The following SLC9A9 variants were observed in gnomAD, a reference collection of about 807,000 sequenced individuals.
SLC9A9 encodes the protein sodium/hydrogen exchanger 9.
In SLC9A9, 62 loss-of-function variants were observed where a neutral mutation model predicts 77.8. That is an observed-to-expected ratio of 0.80 (90% confidence interval 0.65 to 0.98). SLC9A9 has a LOEUF of 0.98. Among genes scored for constraint, SLC9A9 ranks in the 50% least tolerant of loss-of-function variants. SLC9A9 has a pLI of 0.00. For synonymous variants in SLC9A9, 320 were observed against 283.5 expected (o/e 1.13, Z -1.29); for missense variants, 775 against 774.9 (o/e 1.00, Z 0.00).
intron 5 of SLC9A9, among the ~76,000 whole-genome samples, chr3:143,652,754 G>C (rs997119742): frequency 7.2e-6 from 1 of 139,232 alleles, no homozygotes; most frequent in Non-Finnish European, 1.5e-5. Flanking sequence ...TCGTCCACTT[G>C]CTACCATCCT....
intron 6 of SLC9A9, among the ~76,000 whole-genome samples, chr3:143,587,223 G>A (rs1362775759): frequency 6.6e-6 from 1 of 152,194 alleles, no homozygotes; most frequent in Non-Finnish European, 1.5e-5. Flanking sequence ...TACAGACATT[G>A]TTCTTAGCAC....
intron 7 of SLC9A9, 29 bp downstream of exon 7, chr3:143,578,556 C>A (rs1397609109): frequency 6.2e-7 from 1 of 1,613,584 alleles, no homozygotes. Context: ...CTTGACAGTC[C>A]CAGCTTTCCA....
chr3:143,597,855 A>C (rs970095062), intron 6 of SLC9A9, among the ~76,000 whole-genome samples: 4 of 152,234 alleles, frequency 2.6e-5, no homozygotes, highest in African/African-American at 9.6e-5. Context: ...AAAGGTGCAG[A>C]AAACTGGCTT....
At chr3:143,801,284 T>A (rs2008550241) in intron 2 of SLC9A9, among the ~76,000 whole-genome samples, 1 of 152,154 alleles carries the variant, frequency 6.6e-6, no homozygotes, top group Admixed American at 6.6e-5. Flanking sequence ...GACCTTACTG[T>A]TTTAGACTGG....
rs376062350 is a variant in SLC9A9 at position 143,279,423 on chromosome 3, A to AT, written c.1605-10444dup. Among the ~76,000 whole-genome samples the AT allele has an allele frequency of 3.7e-4, 57 of 152,222 alleles. 1 individual carries two copies. Among genetic ancestry groups the AT allele is most frequent in the African/African-American group, 1.3e-3 (56 of 41,538 alleles). ...TTCATGTTGGGCATCAGATTTTTAA[A>AT]TTTTTTTATTACACTTTAAGTTCTG... On this transcript the variant is annotated intron_variant, in intron 14 of 15. Coordinates refer to ENST00000316549, the MANE Select transcript of SLC9A9 (RefSeq NM_173653.4).
intron 14 of SLC9A9, among the ~76,000 whole-genome samples, chr3:143,341,209 T>C (rs185880219): frequency 2.0e-5 from 3 of 152,166 alleles, no homozygotes; most frequent in Admixed American, 6.6e-5. Context: ...TCACTGTTCA[T>C]GTGCTGTTTT....
At chr3:143,274,442 A>T (rs1434756955) in intron 14 of SLC9A9, among the ~76,000 whole-genome samples, 1 of 152,148 alleles carries the variant, frequency 6.6e-6, no homozygotes, top group African/African-American at 2.4e-5. Context: ...ATTGCTACAT[A>T]CTGTGGGGTG....
At chr3:143,357,428 C>G (rs2108478862) in intron 14 of SLC9A9, among the ~76,000 whole-genome samples, 1 of 152,230 alleles carries the variant, frequency 6.6e-6, no homozygotes, top group Admixed American at 6.5e-5. Flanking sequence ...ATCCATTGAA[C>G]AAAAGATTAC....
At chr3:143,461,942 T>C (rs1362091626) in intron 12 of SLC9A9, among the ~76,000 whole-genome samples, 1 of 152,234 alleles carries the variant, frequency 6.6e-6, no homozygotes, top group Non-Finnish European at 1.5e-5. Context: ...AGTTCTCTTT[T>C]TATCTTTGTA....
chr3:143,699,695 C>T (rs1327581376), intron 4 of SLC9A9, among the ~76,000 whole-genome samples: 1 of 152,160 alleles, frequency 6.6e-6, no homozygotes, highest in East Asian at 1.9e-4. Flanking sequence ...TGCCAAGCCT[C>T]CCCACTGTAG....
At chr3:143,471,549 A>G (rs2035378271) in intron 11 of SLC9A9, among the ~76,000 whole-genome samples, 2 of 152,306 alleles carry the variant, frequency 1.3e-5, no homozygotes, top group African/African-American at 4.8e-5. Context: ...TTTCCAAAAA[A>G]CACACACCAT....
intron 11 of SLC9A9, among the ~76,000 whole-genome samples, chr3:143,483,414 C>T (rs2035605304): frequency 6.6e-6 from 1 of 152,138 alleles, no homozygotes; most frequent in South Asian, 2.1e-4. Flanking sequence ...CTTCAATGCT[C>T]ACTAAAGGCC....
At chr3:143,502,710 C>T (rs1215099247) in intron 9 of SLC9A9, among the ~76,000 whole-genome samples, 1 of 152,096 alleles carries the variant, frequency 6.6e-6, no homozygotes, top group East Asian at 1.9e-4. Context: ...TGACTTTCAT[C>T]TACTTGTCTA....
chr3:143,716,030 ACTTTGAGC>A (rs986362341), intron 4 of SLC9A9, among the ~76,000 whole-genome samples: 23 of 152,232 alleles, frequency 1.5e-4, no homozygotes, highest in African/African-American at 5.5e-4. Context: ...CATAAGTGTT[ACTTTGAGC>A]CATTTTCAAA....
chr3:143,273,640 C>A (rs1455502441), intron 14 of SLC9A9, among the ~76,000 whole-genome samples: 3 of 152,134 alleles, frequency 2.0e-5, no homozygotes, highest in African/African-American at 4.8e-5. Flanking sequence ...TTATCTTGGG[C>A]CCTCTTTAAA....
intron 4 of SLC9A9, among the ~76,000 whole-genome samples, chr3:143,733,249 A>G (rs1257510155): frequency 6.6e-6 from 1 of 152,134 alleles, no homozygotes; most frequent in African/African-American, 2.4e-5. Flanking sequence ...CAATGCATAA[A>G]TACAGAAGAA....
chr3:143,376,095 GAC>G (rs538515871), intron 13 of SLC9A9, among the ~76,000 whole-genome samples: 1 of 152,120 alleles, frequency 6.6e-6, no homozygotes, highest in Non-Finnish European at 1.5e-5. Context: ...AGTGAAGGAT[GAC>G]ACACTCTGCA....
At chr3:143,422,328 G>A (rs1184218883) in intron 12 of SLC9A9, among the ~76,000 whole-genome samples, 2 of 152,164 alleles carry the variant, frequency 1.3e-5, no homozygotes, top group African/African-American at 4.8e-5. Context: ...ATTCACAAGA[G>A]CAAAGACATG....
At chr3:143,599,696 AT>A (rs1453995516) in intron 6 of SLC9A9, among the ~76,000 whole-genome samples, 1 of 152,206 alleles carries the variant, frequency 6.6e-6, no homozygotes, top group Non-Finnish European at 1.5e-5. Flanking sequence ...CCTTCAAGGC[AT>A]CCTTAAATAT....
Sources: gnomAD v4.1 joint callset for allele counts (sites outside exome capture counted in the v4.1 genomes callset) on GRCh38, gnomAD v4.1.1 for gene constraint, MANE v1.5 for transcripts, NCBI Gene and HGNC (gene_info 2026-07-23, HGNC 2026-07-21) for gene names.